NCOR1: variants seen among roughly 807,000 people sequenced by gnomAD.
NCOR1 encodes the protein nuclear receptor corepressor 1, also known as protein phosphatase 1, regulatory subunit 109.
In NCOR1, 63 loss-of-function variants were observed where a neutral mutation model predicts 288.1. The observed-to-expected ratio is 0.22, with a 90% CI of 0.18 to 0.27. The LOEUF is 0.27. NCOR1 is among the 10% of genes least tolerant of loss of function. The probability of loss-of-function intolerance (pLI) is 1.00; values close to 1 mark genes in which losing one functional copy is unlikely to be tolerated. For missense variants in NCOR1, 2,397 were observed against 3,019.2 expected, an observed-to-expected ratio of 0.79 and a Z score of 4.83; for synonymous variants, 1,007 against 1,065.9, an observed-to-expected ratio of 0.94 and a Z score of 1.08.
intron 18 of NCOR1, among the ~76,000 whole-genome samples, chr17:16,110,362 C>A (rs1257248347): frequency 2.0e-5 from 3 of 150,774 alleles, no homozygotes; most frequent in African/African-American, 4.9e-5. Flanking sequence ...AAAAAAAAAA[C>A]AAAAAACAAA....
At position 16,067,972 on chromosome 17, in the gene NCOR1, T is replaced by C; in HGVS notation, c.4663A>G (p.Thr1555Ala). 1.2e-6 allele frequency: 2 copies of C among 1,614,256 alleles called. No homozygotes were observed. Among genetic ancestry groups the C allele is most frequent in the East Asian group, 2.2e-5 (1 of 44,894 alleles). ...SPFDPHHRGS[T>A]AGEVYRSHLP... ...TGGCTCCGATAAACCTCGCCTGCAG[T>C]GCTGCCTCTGTGATGGGGATCAAAC... Residue 1555 changes from threonine to alanine, a missense_variant, in exon 32 of 46, where the codon ACT (threonine) becomes GCT (alanine). This residue lies in a region of NCOR1 where 1,872 missense variants were observed against 2,187.8 expected (regional missense o/e 0.86). Coordinates refer to ENST00000268712, the MANE Select transcript of NCOR1 (RefSeq NM_006311.4).
intron 21 of NCOR1, among the ~76,000 whole-genome samples, chr17:16,095,382 C>G (rs1214210672): frequency 6.7e-6 from 1 of 148,232 alleles, no homozygotes; most frequent in Admixed American, 6.6e-5. Context: ...CCACCCCGCC[C>G]GGGAGGGAGG....
intron 27 of NCOR1, among the ~76,000 whole-genome samples, chr17:16,075,059 A>G (rs923464640): frequency 3.3e-5 from 5 of 152,078 alleles, no homozygotes; most frequent in African/African-American, 1.2e-4. Context: ...TAGTAGAGAC[A>G]GGGTTTCACC....
chr17:16,177,390 C>T (rs766994417), intron 3 of NCOR1, among the ~76,000 whole-genome samples: 3 of 150,496 alleles, frequency 2.0e-5, no homozygotes, highest in Non-Finnish European at 4.4e-5. Flanking sequence ...TACTATGTTG[C>T]TTTAATTTTC....
At chr17:16,054,257 GT>G (rs2059661273) in intron 40 of NCOR1, among the ~76,000 whole-genome samples, 1 of 152,104 alleles carries the variant, frequency 6.6e-6, no homozygotes, top group Admixed American at 6.5e-5. Flanking sequence ...TGTCAACAGA[GT>G]GAACAGACAA....
intron 42 of NCOR1, among the ~76,000 whole-genome samples, chr17:16,041,768 ACT>A (rs1448859717): frequency 7.4e-6 from 1 of 134,724 alleles, no homozygotes; most frequent in African/African-American, 2.8e-5. Context: ...ACGGAGTCTC[ACT>A]CTGCCGCCCA....
rs1394925782 is a variant in NCOR1 at position 16,075,677 on chromosome 17, C to A, written c.3527G>T (p.Gly1176Val). 6.2e-7 allele frequency: 1 copy of A among 1,614,126 alleles called. No individual in the cohort carries two copies. The highest frequency in any genetic ancestry group is 1.3e-5 in the African/African-American group (1 of 75,030). The change falls in exon 27 of 46, where the codon GGC becomes GTC. Residue 1176 changes from glycine (G) to valine (V), a missense_variant. Transcript: ENST00000268712. Reference protein sequence around the residue: ...TQGTPALPQTGIPTEALVKGS... With the variant: ...TQGTPALPQTVIPTEALVKGS... ...CTTCACCAAAGCCTCTGTTGGTATG[C>A]CAGTCTGGGGCAGAGCCGGGGTGCC...
rs369815049 is a variant in NCOR1, at chr17:16,101,464, C to T, written c.2476G>A (p.Val826Met). Residue 826 changes from valine (V) to methionine (M), a missense_variant, in exon 20 of 46, where the codon GTG becomes ATG. Val to Met is a conservative substitution (Grantham distance 21). Transcript: ENST00000268712. ...ATKADSVDVE[V>M]RVPENHASKV... The stretch of plus-strand genomic sequence containing the variant: ...GATGCATGGTTTTCTGGCACCCTCA[C>T]TTCAACGTCCACAGAGTCAGCTTTG... 1 of 1,614,078 alleles carries T rather than the reference C, an allele frequency of 6.2e-7. No homozygotes were observed. Among genetic ancestry groups the T allele is most frequent in the African/African-American group, 1.3e-5 (1 of 74,934 alleles).
chr17:16,092,426 G>A (rs2152914124), intron 21 of NCOR1, among the ~76,000 whole-genome samples: 1 of 151,988 alleles, frequency 6.6e-6, no homozygotes, highest in East Asian at 1.9e-4. Context: ...GGCAGAGGTT[G>A]CAGTGGGCTG....
intron 22 of NCOR1, among the ~76,000 whole-genome samples, chr17:16,089,611 G>A (rs2064850855): frequency 6.6e-6 from 1 of 152,132 alleles, no homozygotes; most frequent in Non-Finnish European, 1.5e-5. Flanking sequence ...GAAGGGAAAA[G>A]TAAAAACCAT....
Position 16,080,692 on chromosome 17 carries a change from C to T in NCOR1, c.3213G>A (p.Gln1071=), listed in dbSNP as rs2063258540. The part of the protein sequence containing the change: ...TPGTYLTSHN[Q]ASYTQETPKP... Reference sequence around the variant, plus strand: ...TGGGTGTTTCTTGAGTGTAGGAAGCCTGATTATGAGAAGTCAAATAAGTGC... The same window carrying T: ...TGGGTGTTTCTTGAGTGTAGGAAGCTTGATTATGAGAAGTCAAATAAGTGC... Residue 1071 remains glutamine, a synonymous_variant, in exon 24 of 46, where the codon CAG becomes CAA. Transcript: ENST00000268712. 6.2e-7 allele frequency: 1 copy of T among 1,613,384 alleles called. No individual in the cohort carries two copies. The highest frequency in any genetic ancestry group is 1.3e-5 in the African/African-American group (1 of 74,758).
chr17:16,171,252 G>C (rs979096531), intron 4 of NCOR1, among the ~76,000 whole-genome samples: 4 of 151,768 alleles, frequency 2.6e-5, no homozygotes, highest in African/African-American at 9.7e-5. Context: ...ACTGGGGGAG[G>C]GTCGTTATCT....
At chr17:16,098,579 G>A in intron 20 of NCOR1, 83 bp from the exon 21 acceptor site, 2 of 1,237,742 alleles carry the variant, frequency 1.6e-6, no homozygotes, top group Non-Finnish European at 2.3e-6. Flanking sequence ...TTCTAAGTTA[G>A]TATGTACATA....
Position 16,058,824 on chromosome 17 carries a change from A to G in NCOR1, c.5882-225T>C, listed in dbSNP as rs181872521. On this transcript the variant is annotated intron_variant, in intron 37 of 45. Transcript: ENST00000268712. ...CACTTTGGAAGGCCGAGGCAGGTGGATCACCTGAGGTCAGGGGTTTGAGAC... is the reference window on the plus strand; with the variant it reads ...CACTTTGGAAGGCCGAGGCAGGTGGGTCACCTGAGGTCAGGGGTTTGAGAC... Among the ~76,000 whole-genome samples, 270 of 152,032 alleles carry G rather than the reference A, an allele frequency of 1.8e-3. 10 individuals are homozygous for G. The East Asian group carries it at 0.047, about 26-fold the overall frequency.
chr17:16,117,230 T>G (rs905360305), intron 18 of NCOR1, among the ~76,000 whole-genome samples: 1 of 152,118 alleles, frequency 6.6e-6, no homozygotes, highest in Admixed American at 6.6e-5. Flanking sequence ...CAATTCAATC[T>G]CCAAAAAGTT....
chr17:16,077,440 AAGGAAAGGGAAGGAG>A (rs2062638874), intron 26 of NCOR1, among the ~76,000 whole-genome samples: 1 of 119,664 alleles, frequency 8.4e-6, no homozygotes, highest in African/African-American at 3.1e-5. Context: ...AAGGAAAGGT[AAGGAAAGGGAAGGAG>A]AGGAGAGGGG....
chr17:16,173,471 C>T (rs1046962848), intron 3 of NCOR1, among the ~76,000 whole-genome samples: 1 of 151,482 alleles, frequency 6.6e-6, no homozygotes, highest in African/African-American at 2.4e-5. Context: ...CATTTTTATT[C>T]AAGACAACAT....
At chr17:16,210,598 A>C (rs1180478010) in intron 1 of NCOR1, among the ~76,000 whole-genome samples, 2 of 152,200 alleles carry the variant, frequency 1.3e-5, no homozygotes, top group Non-Finnish European at 2.9e-5. Flanking sequence ...TGATCACTGT[A>C]ACACTGACAT....
intron 2 of NCOR1, among the ~76,000 whole-genome samples, chr17:16,188,940 G>A (rs891592454): frequency 8.6e-5 from 13 of 151,916 alleles, no homozygotes; most frequent in African/African-American, 2.9e-4. Flanking sequence ...CAGTAGAATC[G>A]CTTGAACCTG....
Sources: allele counts gnomAD v4.1 joint callset (sites outside exome capture counted in the v4.1 genomes callset), GRCh38; gene constraint gnomAD v4.1.1; regional missense constraint gnomAD v4.1.1; transcripts MANE v1.5; gene names NCBI Gene and HGNC (gene_info 2026-07-23, HGNC 2026-07-21).